Variants in CNTLN observed in about 807,000 individuals in gnomAD.
CNTLN encodes centlein, also known as centlein, centrosomal protein.
Under a neutral mutation model 180.0 loss-of-function variants are expected in CNTLN, and 212 were observed. That is an observed-to-expected ratio of 1.18 (90% CI 1.05 to 1.32). The LOEUF is 1.32. Among genes scored for constraint, CNTLN ranks in the 40% most tolerant of loss-of-function variants. The pLI is 0.00. For missense variants in CNTLN, 2,095 were observed against 1,610.9 expected, an observed-to-expected ratio of 1.30 and a Z score of -5.14; for synonymous variants, 722 against 563.1, an observed-to-expected ratio of 1.28 and a Z score of -3.99.
At chr9:17,250,082 T>G (rs1408080180) in intron 5 of CNTLN, among the ~76,000 whole-genome samples, 1 of 151,722 alleles carries the variant, frequency 6.6e-6, no homozygotes, top group Non-Finnish European at 1.5e-5. Flanking sequence ...ACATGTTTAT[T>G]ATTGTTATAA....
intron 8 of CNTLN, among the ~76,000 whole-genome samples, chr9:17,319,036 G>C (rs1819730237): frequency 6.6e-6 from 1 of 152,184 alleles, no homozygotes; most frequent in Admixed American, 6.5e-5. Context: ...TGTAATTGAA[G>C]TATGAAACAA....
intron 13 of CNTLN, among the ~76,000 whole-genome samples, chr9:17,372,665 C>G (rs1396076974): frequency 6.6e-6 from 1 of 151,992 alleles, no homozygotes; most frequent in African/African-American, 2.4e-5. Context: ...CAGACAAAGA[C>G]ACATCAAAAA....
chr9:17,348,346 G>T (rs112924446), intron 12 of CNTLN, among the ~76,000 whole-genome samples: 5,331 of 152,098 alleles, frequency 0.035, 241 homozygotes, highest in African/African-American at 0.1. Flanking sequence ...ATTTTAGCAG[G>T]CCTCTGATGA....
At chr9:17,491,694 TTAAAG>T (rs369597711) in intron 25 of CNTLN, among the ~76,000 whole-genome samples, 104 of 152,238 alleles carry the variant, frequency 6.8e-4, no homozygotes, top group African/African-American at 2.3e-3. Flanking sequence ...TTTTGAGAAT[TTAAAG>T]TAAAGACTTT....
At chr9:17,293,520 T>G (rs1455790078) in intron 6 of CNTLN, among the ~76,000 whole-genome samples, 1 of 152,068 alleles carries the variant, frequency 6.6e-6, no homozygotes, top group African/African-American at 2.4e-5. Context: ...GAGGGATGGG[T>G]TAGGGTTCCG....
At chr9:17,369,597 A>G (rs1824133688) in intron 13 of CNTLN, among the ~76,000 whole-genome samples, 1 of 151,704 alleles carries the variant, frequency 6.6e-6, no homozygotes, top group Non-Finnish European at 1.5e-5. Context: ...AGAATCAAGC[A>G]GAAATTCTGG....
intron 6 of CNTLN, among the ~76,000 whole-genome samples, chr9:17,278,905 A>AT: frequency 6.6e-6 from 1 of 152,174 alleles, no homozygotes; most frequent in South Asian, 2.1e-4. Flanking sequence ...AAGGGACTAT[A>AT]TTGCACATGT....
At chr9:17,397,479 T>G (rs890282256) in intron 15 of CNTLN, among the ~76,000 whole-genome samples, 2 of 152,168 alleles carry the variant, frequency 1.3e-5, no homozygotes, top group African/African-American at 4.8e-5. Context: ...GTCATGGCAC[T>G]GGTGGGAGAA....
At chr9:17,424,419 T>C (rs1828942878) in intron 18 of CNTLN, among the ~76,000 whole-genome samples, 1 of 152,138 alleles carries the variant, frequency 6.6e-6, no homozygotes, top group African/African-American at 2.4e-5. Context: ...ATTACTTAAG[T>C]GTATTATGGC....
At chr9:17,494,248 T>C (rs1229794981) in intron 25 of CNTLN, among the ~76,000 whole-genome samples, 1 of 152,230 alleles carries the variant, frequency 6.6e-6, no homozygotes, top group Non-Finnish European at 1.5e-5. Flanking sequence ...AGAAGATGCC[T>C]AACCCATTGC....
intron 12 of CNTLN, among the ~76,000 whole-genome samples, chr9:17,343,191 G>A (rs1326889092): frequency 6.6e-6 from 1 of 152,144 alleles, no homozygotes; most frequent in African/African-American, 2.4e-5. Context: ...TATTCAGCCT[G>A]GCAAAGAAAG....
rs1303146848 is a variant in CNTLN at position 17,278,475 on chromosome 9, C to T, written c.983+4609C>T. Among the ~76,000 whole-genome samples, 3 of 152,128 alleles carry T rather than the reference C, an allele frequency of 2.0e-5. No individual in the cohort carries two copies. The East Asian group carries it at 5.8e-4, about 29-fold the overall frequency. ...GGTGTGTCATTCCATTTGTTTCAGTCTACCTCTGTGTCTTTCCTCAAACAG... is the reference window on the plus strand; with the variant it reads ...GGTGTGTCATTCCATTTGTTTCAGTTTACCTCTGTGTCTTTCCTCAAACAG... On this transcript the variant is annotated intron_variant, in intron 6 of 25. Transcript: ENST00000380647.
intron 5 of CNTLN, among the ~76,000 whole-genome samples, chr9:17,259,775 A>G (rs1371400496): frequency 6.7e-6 from 1 of 148,750 alleles, no homozygotes; most frequent in Non-Finnish European, 1.5e-5. Flanking sequence ...AGGTGTTTGT[A>G]GTATTCTCTG....
intron 8 of CNTLN, among the ~76,000 whole-genome samples, chr9:17,322,376 T>C (rs1819977475): frequency 6.6e-6 from 1 of 152,278 alleles, no homozygotes; most frequent in African/African-American, 2.4e-5. Flanking sequence ...AAATTTGAAC[T>C]TGTTATCATT....
At chr9:17,489,475 G>A (rs1018103631) in intron 25 of CNTLN, among the ~76,000 whole-genome samples, 1 of 151,968 alleles carries the variant, frequency 6.6e-6, no homozygotes. Context: ...GTTGGGTGCT[G>A]TATGTGATCA....
intron 2 of CNTLN, among the ~76,000 whole-genome samples, chr9:17,211,827 G>T (rs948213223): frequency 9.4e-4 from 143 of 152,146 alleles, no homozygotes; most frequent in Non-Finnish European, 1.5e-3. Flanking sequence ...ATTGTGAATG[G>T]GAGTTCACTC....
At chr9:17,233,505 A>C (rs1411657224) in intron 3 of CNTLN, among the ~76,000 whole-genome samples, 3 of 152,146 alleles carry the variant, frequency 2.0e-5, no homozygotes, top group Non-Finnish European at 4.4e-5. Flanking sequence ...AAATCGATTT[A>C]ATGACCCATT....
chr9:17,212,832 T>G (rs1015827983), intron 2 of CNTLN, among the ~76,000 whole-genome samples: 30 of 152,354 alleles, frequency 2.0e-4, no homozygotes, highest in African/African-American at 6.0e-4. Context: ...ATTTTCTAGT[T>G]TATTTGCATA....
intron 3 of CNTLN, among the ~76,000 whole-genome samples, chr9:17,231,342 C>G (rs1303046165): frequency 1.3e-5 from 2 of 152,086 alleles, no homozygotes; most frequent in East Asian, 1.9e-4. Context: ...AAGTTACACA[C>G]ACACACAGTT....
Sources: allele counts gnomAD v4.1 joint callset (sites outside exome capture counted in the v4.1 genomes callset), GRCh38; gene constraint gnomAD v4.1.1; transcripts MANE v1.5; gene names NCBI Gene and HGNC (gene_info 2026-07-23, HGNC 2026-07-21).